Variants in CNTN5 observed in about 807,000 individuals in gnomAD.
The protein encoded by CNTN5 is contactin 5.
CNTN5 carries 77 observed loss-of-function variants against 129.1 expected under a neutral mutation model. That is an observed-to-expected ratio of 0.60 (90% CI 0.50 to 0.72). The LOEUF is 0.72. CNTN5 is among the 30% of genes least tolerant of loss of function. The probability of loss-of-function intolerance (pLI) is 0.00; values close to 1 mark genes in which losing one functional copy is unlikely to be tolerated. For missense variants in CNTN5, 1,478 were observed against 1,328.8 expected (o/e 1.11, Z -1.75); for synonymous variants, 509 against 465.6 (o/e 1.09, Z -1.20).
intron 18 of CNTN5, among the ~76,000 whole-genome samples, chr11:100,286,394 C>T (rs1332133816): frequency 3.8e-4 from 58 of 151,510 alleles, no homozygotes; most frequent in Admixed American, 1.8e-3. Flanking sequence ...TCTCCCAGCA[C>T]GCAGCTGGAG....
intron 6 of CNTN5, among the ~76,000 whole-genome samples, chr11:99,861,695 T>C (rs752124596): frequency 2.6e-5 from 4 of 152,158 alleles, no homozygotes; most frequent in Non-Finnish European, 5.9e-5. Flanking sequence ...TGTGGAAGTC[T>C]CAGTAATGAA....
At chr11:99,118,710 C>A (rs894261424) in intron 1 of CNTN5, among the ~76,000 whole-genome samples, 2 of 151,974 alleles carry the variant, frequency 1.3e-5, no homozygotes, top group Admixed American at 1.3e-4. Flanking sequence ...ACATCTAACA[C>A]ATAGAAGTAA....
chr11:99,247,130 A>C (rs530090826), intron 1 of CNTN5, among the ~76,000 whole-genome samples: 4 of 152,254 alleles, frequency 2.6e-5, no homozygotes, highest in African/African-American at 9.6e-5. Flanking sequence ...ACATTTGTTC[A>C]AAACTTCTTG....
intron 9 of CNTN5, among the ~76,000 whole-genome samples, chr11:100,035,216 T>TG (rs36141824): frequency 0.81 from 123,497 of 151,776 alleles, 51,017 homozygotes; most frequent in East Asian, 1. Flanking sequence ...TGAGAACATG[T>TG]GTGTTTGGGT....
chr11:100,045,419 A>T (rs1215123745), intron 9 of CNTN5, among the ~76,000 whole-genome samples: 2 of 152,156 alleles, frequency 1.3e-5, no homozygotes, highest in African/African-American at 4.8e-5. Context: ...AAATGATCCA[A>T]AGATTAGAGA....
chr11:99,149,996 ATAAT>A (rs1859970223), intron 1 of CNTN5, among the ~76,000 whole-genome samples: 1 of 152,088 alleles, frequency 6.6e-6, no homozygotes. Context: ...TACCTGGTAA[ATAAT>A]TAGTGTTCAA....
chr11:100,004,963 C>G (rs1041729272), intron 9 of CNTN5, among the ~76,000 whole-genome samples: 1 of 152,148 alleles, frequency 6.6e-6, no homozygotes, highest in African/African-American at 2.4e-5. Flanking sequence ...TACAAGCCTG[C>G]GGATGCAATT....
At chr11:99,664,155 T>C (rs1952699534) in intron 3 of CNTN5, among the ~76,000 whole-genome samples, 1 of 152,196 alleles carries the variant, frequency 6.6e-6, no homozygotes, top group African/African-American at 2.4e-5. Flanking sequence ...TTCATTATAT[T>C]CTTTGGATGT....
chr11:100,298,943 C>T (rs908960895), intron 19 of CNTN5, among the ~76,000 whole-genome samples: 4 of 151,326 alleles, frequency 2.6e-5, no homozygotes, highest in African/African-American at 9.7e-5. Context: ...AGTTTTTGTA[C>T]ATTTCAACTG....
chr11:100,246,231 C>A (rs1026630691), intron 16 of CNTN5, among the ~76,000 whole-genome samples: 1 of 152,080 alleles, frequency 6.6e-6, no homozygotes, highest in African/African-American at 2.4e-5. Flanking sequence ...GTACTTTGTA[C>A]ATACATCACC....
At chr11:99,543,036 A>G (rs2135500652) in intron 2 of CNTN5, among the ~76,000 whole-genome samples, 1 of 152,218 alleles carries the variant, frequency 6.6e-6, no homozygotes, top group South Asian at 2.1e-4. Flanking sequence ...TTATTTGGCC[A>G]CCTCTATTAA....
rs189406427 is a variant in CNTN5, at chr11:100,099,497, A to G, written c.1580+25203A>G. Among the ~76,000 whole-genome samples, 36 of 152,084 alleles carry G rather than the reference A, an allele frequency of 2.4e-4. 1 individual carries two copies. The highest frequency in any genetic ancestry group is 7.9e-4 in the Admixed American group (12 of 15,256). On this transcript the variant is annotated intron_variant, in intron 13 of 24. Coordinates refer to ENST00000524871, the MANE Select transcript of CNTN5 (RefSeq NM_014361.4). ...TTAGTTTGTCCATTGGTTAGACTCT[A>G]CTCTGTTCCAAAATGGTTTAAGGCA...
rs1452120873 is a variant in CNTN5 at position 99,844,861 on chromosome 11, AC to A, written c.288del (p.Tyr97MetfsTer23). 5 of 1,612,670 alleles carry A rather than the reference AC, an allele frequency of 3.1e-6. No individual in the cohort carries two copies. Among genetic ancestry groups the A allele is most frequent in the Non-Finnish European group, 4.2e-6 (5 of 1,179,368 alleles). ...SDAFKQDESV[D>X]YGPVFVQEPD... ...TGTTTTGTCTTTACAGAAAGTGTGGACTATGGGCCAGTTTTTGTGCAAGAAC... is the reference window on the plus strand; with the variant it reads ...TGTTTTGTCTTTACAGAAAGTGTGGATATGGGCCAGTTTTTGTGCAAGAAC... On this transcript the variant is annotated frameshift_variant, in exon 5 of 25. Coordinates refer to ENST00000524871, the MANE Select transcript of CNTN5 (RefSeq NM_014361.4). LOFTEE classifies it high-confidence loss of function.
chr11:99,456,342 G>T (rs949138182), intron 2 of CNTN5, among the ~76,000 whole-genome samples: 4 of 151,900 alleles, frequency 2.6e-5, no homozygotes, highest in African/African-American at 9.7e-5. Flanking sequence ...CAAAAATTGA[G>T]GAAAAATATA....
intron 15 of CNTN5, among the ~76,000 whole-genome samples, chr11:100,208,636 T>G (rs537742438): frequency 6.6e-6 from 1 of 152,222 alleles, no homozygotes; most frequent in African/African-American, 2.4e-5. Context: ...ACTGCAAAAT[T>G]TTGTGGCCAT....
At chr11:100,351,288 T>C (rs955060459) in intron 24 of CNTN5, among the ~76,000 whole-genome samples, 1 of 151,666 alleles carries the variant, frequency 6.6e-6, no homozygotes, top group African/African-American at 2.4e-5. Context: ...TGTGACCATA[T>C]TTATTGATTT....
At chr11:99,666,419 C>A (rs1952795580) in intron 3 of CNTN5, among the ~76,000 whole-genome samples, 1 of 152,156 alleles carries the variant, frequency 6.6e-6, no homozygotes, top group African/African-American at 2.4e-5. Context: ...AGCAAAGAGA[C>A]TTTCTCCGAG....
intron 1 of CNTN5, among the ~76,000 whole-genome samples, chr11:99,053,227 T>G (rs576238603): frequency 2.6e-5 from 4 of 151,944 alleles, no homozygotes; most frequent in East Asian, 3.9e-4. Flanking sequence ...TACTCCTATA[T>G]GTCAAAAGTT....
chr11:99,147,045 A>G (rs1591273979), intron 1 of CNTN5, among the ~76,000 whole-genome samples: 1 of 151,154 alleles, frequency 6.6e-6, no homozygotes, highest in South Asian at 2.1e-4. Context: ...AAATAAAAAG[A>G]AGCATGATAT....
Sources: allele counts gnomAD v4.1 joint callset (sites outside exome capture counted in the v4.1 genomes callset), GRCh38; gene constraint gnomAD v4.1.1; transcripts MANE v1.5; gene names NCBI Gene and HGNC (gene_info 2026-07-23, HGNC 2026-07-21).